The following NTM variants were observed in gnomAD, a reference collection of about 807,000 sequenced individuals.
NTM encodes IgLON family member 2.
Under a neutral mutation model 42.1 loss-of-function variants are expected in NTM, and 13 were observed. The ratio of observed to expected loss-of-function variants is 0.31; its 90% CI spans 0.20 to 0.49. The LOEUF (loss-of-function observed/expected upper bound fraction) is 0.49, where lower values mean the gene tolerates loss of function less well. Among genes scored for constraint, NTM ranks in the 20% least tolerant of loss-of-function variants. The probability of loss-of-function intolerance (pLI) is 0.99; values close to 1 mark genes in which losing one functional copy is unlikely to be tolerated. For synonymous variants in NTM, 187 were observed against 179.2 expected, an observed-to-expected ratio of 1.04 and a Z score of -0.35; for missense variants, 373 against 452.8, an observed-to-expected ratio of 0.82 and a Z score of 1.60.
At chr11:132,230,819 C>T (rs1196215382) in intron 4 of NTM, among the ~76,000 whole-genome samples, 2 of 152,118 alleles carry the variant, frequency 1.3e-5, no homozygotes, top group African/African-American at 4.8e-5. Flanking sequence ...CCCAGGAGTT[C>T]GAGACCAGCC....
intron 1 of NTM, among the ~76,000 whole-genome samples, chr11:131,729,456 A>T (rs950973027): frequency 6.6e-6 from 1 of 152,206 alleles, no homozygotes; most frequent in East Asian, 1.9e-4. Context: ...TGCTGCAAAA[A>T]ACACCCTTTT....
At chr11:132,001,507 G>A (rs1484158385) in intron 2 of NTM, among the ~76,000 whole-genome samples, 2 of 152,158 alleles carry the variant, frequency 1.3e-5, no homozygotes, top group Non-Finnish European at 2.9e-5. Context: ...TTCTGGGGAG[G>A]CCTCAGGAAG....
Position 131,931,468 on chromosome 11 carries a change from C to CGTGTGTGTGT in NTM, c.167+19847_167+19856dup, listed in dbSNP as rs147069139. On this transcript the variant is annotated intron_variant, in intron 2 of 8. Transcript: ENST00000683400. ...AAAAAAATAATAATAATAATATATA[C>CGTGTGTGTGT]GTGTGTGTGTGTGTGTGTGTGTGTG... 3.7e-3 allele frequency among the ~76,000 whole-genome samples: 530 copies of CGTGTGTGTGT among 142,700 alleles called. 3 individuals carry two copies. The highest frequency in any genetic ancestry group is 7.3e-3 in the East Asian group (35 of 4,824). 93.6% of individuals were successfully genotyped at this position (142,700 alleles called of 152,430 possible). A position where few individuals can be genotyped will look rare whatever the true frequency, so the allele number is the denominator to read the frequency against.
chr11:132,162,684 T>C (rs1389244095), intron 3 of NTM, among the ~76,000 whole-genome samples: 1 of 150,880 alleles, frequency 6.6e-6, no homozygotes, highest in African/African-American at 2.4e-5. Context: ...TGTGTGTTTG[T>C]GTAGGGAATG....
chr11:131,992,262 C>T (rs773022086), intron 2 of NTM, among the ~76,000 whole-genome samples: 4 of 152,110 alleles, frequency 2.6e-5, no homozygotes, highest in Non-Finnish European at 4.4e-5. Context: ...AACATTTTCT[C>T]GTTTATTACT....
chr11:132,031,950 C>T (rs11222870), intron 2 of NTM, among the ~76,000 whole-genome samples: 13,172 of 152,070 alleles, frequency 0.087, 761 homozygotes, highest in Non-Finnish European at 0.13. Context: ...TTCTCTATCT[C>T]TGTGTTTCAT....
At chr11:132,295,142 A>G (rs1254484796) in intron 4 of NTM, among the ~76,000 whole-genome samples, 1 of 151,988 alleles carries the variant, frequency 6.6e-6, no homozygotes, top group African/African-American at 2.4e-5. Context: ...TCACACACAC[A>G]AACACACACA....
At chr11:132,126,014 G>T (rs1252373238) in intron 2 of NTM, among the ~76,000 whole-genome samples, 2 of 152,002 alleles carry the variant, frequency 1.3e-5, no homozygotes, top group Non-Finnish European at 2.9e-5. Context: ...GCCCAGCAAA[G>T]GTGGAGCCTC....
At chr11:131,988,293 A>C (rs527948117) in intron 2 of NTM, among the ~76,000 whole-genome samples, 1 of 152,276 alleles carries the variant, frequency 6.6e-6, no homozygotes, top group East Asian at 1.9e-4. Flanking sequence ...AACCATTCAG[A>C]CTGTAGCATT....
At chr11:132,102,644 A>G (rs1385666386) in intron 2 of NTM, among the ~76,000 whole-genome samples, 1 of 152,192 alleles carries the variant, frequency 6.6e-6, no homozygotes, top group African/African-American at 2.4e-5. Flanking sequence ...GAGTTTTGCT[A>G]TCTATACACT....
intron 3 of NTM, among the ~76,000 whole-genome samples, chr11:132,150,648 A>G (rs1345129725): frequency 1.3e-5 from 2 of 151,954 alleles, no homozygotes; most frequent in Non-Finnish European, 2.9e-5. Flanking sequence ...GTTAGCTTCA[A>G]TTGTTTAAAA....
intron 1 of NTM, chr11:131,911,191 G>A (rs926273836): frequency 7.4e-7 from 1 of 1,359,834 alleles, no homozygotes; most frequent in Non-Finnish European, 9.5e-7. Context: ...CCTGCCGCGC[G>A]CTTCCCCCTC....
chr11:132,279,408 G>A (rs962544690), intron 4 of NTM, among the ~76,000 whole-genome samples: 6 of 152,138 alleles, frequency 3.9e-5, no homozygotes, highest in South Asian at 2.1e-4. Context: ...TGTGACTCTC[G>A]CTCCAATCTT....
intron 2 of NTM, among the ~76,000 whole-genome samples, chr11:132,067,370 C>A (rs1252097776): frequency 6.6e-6 from 1 of 152,202 alleles, no homozygotes; most frequent in Non-Finnish European, 1.5e-5. Context: ...CAAATTTCAG[C>A]CTGTTACAGC....
chr11:132,159,002 G>A (rs2073782755), intron 3 of NTM, among the ~76,000 whole-genome samples: 1 of 152,200 alleles, frequency 6.6e-6, no homozygotes, highest in South Asian at 2.1e-4. Flanking sequence ...GTTTCACTGT[G>A]GAGGGGATGG....
intron 2 of NTM, among the ~76,000 whole-genome samples, chr11:132,113,486 C>A (rs767091347): frequency 5.9e-5 from 9 of 152,140 alleles, no homozygotes; most frequent in Non-Finnish European, 1.3e-4. Flanking sequence ...TCAAAACAAG[C>A]GTTTGCTTGC....
intron 1 of NTM, among the ~76,000 whole-genome samples, chr11:131,469,598 A>T (rs1952232867): frequency 6.6e-6 from 1 of 152,182 alleles, no homozygotes; most frequent in South Asian, 2.1e-4. Flanking sequence ...TCTGGGAGTC[A>T]GTTGCTAGGC....
intron 1 of NTM, among the ~76,000 whole-genome samples, chr11:131,779,705 A>G (rs2087704993): frequency 6.6e-6 from 1 of 152,190 alleles, no homozygotes; most frequent in Non-Finnish European, 1.5e-5. Flanking sequence ...TATAAGCTGC[A>G]ACTCAGGGCA....
chr11:132,310,370 AAAG>A (rs1379472076), intron 6 of NTM, 138 bp downstream of exon 6: 7 of 771,668 alleles, frequency 9.1e-6, no homozygotes, highest in African/African-American at 1.8e-5. Context: ...GCAAATGTGC[AAAG>A]AAGTCTTTTC....
Sources: allele counts gnomAD v4.1 joint callset (sites outside exome capture counted in the v4.1 genomes callset), GRCh38; gene constraint gnomAD v4.1.1; transcripts MANE v1.5; gene names NCBI Gene and HGNC (gene_info 2026-07-23, HGNC 2026-07-21).